The following GDA variants were observed in gnomAD, a reference collection of about 807,000 sequenced individuals.
The protein encoded by GDA is cytoplasmic PSD-95 interactor.
Under a neutral mutation model 59.6 loss-of-function variants are expected in GDA, and 18 were observed. The observed-to-expected ratio is 0.30, with a 90% CI of 0.21 to 0.45. GDA has a LOEUF of 0.45. GDA is among the 20% of genes least tolerant of loss of function. The pLI is 1.00. For missense variants in GDA, 427 were observed against 552.3 expected (o/e 0.77, Z 2.27); for synonymous variants, 201 against 201.1 (o/e 1.00, Z 0.00).
chr9:72,218,105 G>A (rs1314247275), intron 5 of GDA, among the ~76,000 whole-genome samples: 1 of 152,004 alleles, frequency 6.6e-6, no homozygotes. Context: ...GTAGAGATGA[G>A]GTTTTGCTAC....
chr9:72,231,045 T>A, intron 9 of GDA, 69 bp from the exon 10 acceptor site: 1 of 880,194 alleles, frequency 1.1e-6, no homozygotes, highest in Non-Finnish European at 2.0e-6. Flanking sequence ...TCACCGTCAT[T>A]GTTATTAGTG....
chr9:72,226,900 G>A (rs992740276), intron 8 of GDA, among the ~76,000 whole-genome samples: 6 of 152,046 alleles, frequency 3.9e-5, no homozygotes, highest in South Asian at 2.1e-4. Flanking sequence ...GGCAGATCAC[G>A]AGGTCAGGAG....
At chr9:72,179,427 G>A (rs1422534692) in intron 1 of GDA, among the ~76,000 whole-genome samples, 1 of 152,184 alleles carries the variant, frequency 6.6e-6, no homozygotes, top group Non-Finnish European at 1.5e-5. Flanking sequence ...TTCAAAAATG[G>A]TAAATCAGAG....
chr9:72,248,631 G>A lies in GDA; in HGVS notation c.*289G>A, dbSNP rs570067451. 2.3e-4 allele frequency: 267 copies of A among 1,150,154 alleles called. 3 individuals carry two copies. In the South Asian group the frequency reaches 6.5e-3, roughly 28 times the overall value. 71.2% of individuals were successfully genotyped at this position (1,150,154 alleles called of 1,614,324 possible). ...ATGCTATTACTGGTGGTGTTCCTAC[G>A]GTAAGACTTAAGCAAAGCCTTTTTC... is the stretch of plus-strand genomic sequence containing the variant. On this transcript the variant is annotated 3_prime_UTR_variant, in exon 14 of 14. Coordinates refer to ENST00000358399, the MANE Select transcript of GDA (RefSeq NM_004293.5).
At chr9:72,166,973 T>C (rs1829393076) in intron 1 of GDA, among the ~76,000 whole-genome samples, 1 of 152,202 alleles carries the variant, frequency 6.6e-6, no homozygotes, top group South Asian at 2.1e-4. Context: ...AGAAACTAAA[T>C]TCTTGACAGG....
At chr9:72,227,552 A>G (rs1837749142) in intron 8 of GDA, among the ~76,000 whole-genome samples, 1 of 151,876 alleles carries the variant, frequency 6.6e-6, no homozygotes, top group Non-Finnish European at 1.5e-5. Context: ...GCACAACACT[A>G]CCAGTTGCTT....
In GDA at chr9:72,212,992, C is replaced by G. The variant is rs7034285; in HGVS notation, c.473-894C>G. Reference sequence around the variant, plus strand: ...GAATAATAACTTAAAAACACCCAGCCAAGCACAGTGGCTCACGCCTGCAAT... The same window carrying G: ...GAATAATAACTTAAAAACACCCAGCGAAGCACAGTGGCTCACGCCTGCAAT... On this transcript the variant is annotated intron_variant, in intron 4 of 13. Coordinates refer to ENST00000358399, the MANE Select transcript of GDA (RefSeq NM_004293.5). 8.4e-3 allele frequency among the ~76,000 whole-genome samples: 1,282 copies of G among 152,242 alleles called. 27 individuals carry two copies. The highest frequency in any genetic ancestry group is 0.029 in the African/African-American group (1,221 of 41,490).
At chr9:72,123,412 T>C (rs963803464) in intron 1 of GDA, among the ~76,000 whole-genome samples, 8 of 151,384 alleles carry the variant, frequency 5.3e-5, no homozygotes, top group Non-Finnish European at 1.2e-4. Context: ...CTTGATCTCC[T>C]GACCTTGTGA....
chr9:72,225,870 T>A, intron 8 of GDA, 86 bp downstream of exon 8: 1 of 643,424 alleles, frequency 1.6e-6, no homozygotes, highest in Non-Finnish European at 2.7e-6. Context: ...TTCAGATTTC[T>A]GATATGAATA....
intron 3 of GDA, 144 bp from the exon 4 acceptor site, chr9:72,210,543 T>C: frequency 1.7e-6 from 1 of 575,056 alleles, no homozygotes; most frequent in African/African-American, 1.9e-5. Flanking sequence ...TTTTGCCATT[T>C]ACCTAACTGT....
chr9:72,205,750 C>G (rs1834614621), intron 3 of GDA, among the ~76,000 whole-genome samples: 1 of 152,164 alleles, frequency 6.6e-6, no homozygotes, highest in African/African-American at 2.4e-5. Flanking sequence ...AGTTGATAAA[C>G]TAAGTTAGGT....
At chr9:72,181,127 A>C (rs751041220) in intron 1 of GDA, among the ~76,000 whole-genome samples, 6 of 152,090 alleles carry the variant, frequency 3.9e-5, no homozygotes, top group Non-Finnish European at 7.4e-5. Context: ...TGTGCATTTT[A>C]CTTATTTTTT....
chr9:72,185,609 T>C (rs4484759), intron 1 of GDA, among the ~76,000 whole-genome samples: 28,748 of 152,150 alleles, frequency 0.19, 3,078 homozygotes, highest in East Asian at 0.5. Flanking sequence ...CTGGTTTTAT[T>C]TCCCCTCACA....
At chr9:72,185,883 G>C (rs949272957) in intron 1 of GDA, among the ~76,000 whole-genome samples, 3 of 152,176 alleles carry the variant, frequency 2.0e-5, no homozygotes, top group Admixed American at 2.0e-4. Flanking sequence ...CCAGTTTCAA[G>C]TAAGAAAGCA....
Position 72,195,510 on chromosome 9 carries a change from T to C in GDA, c.134T>C (p.Leu45Ser). 1 of 1,490,446 alleles carries C rather than the reference T, an allele frequency of 6.7e-7. No homozygotes were observed. Among genetic ancestry groups the C allele is most frequent in the Non-Finnish European group, 9.3e-7 (1 of 1,076,974 alleles). The allele number at this position is 1,490,446 out of a possible 1,614,324, so 92.3% of individuals were successfully genotyped here. A position where few individuals can be genotyped will look rare whatever the true frequency, so the allele number is the denominator to read the frequency against. The change falls in exon 2 of 14, where the codon TTA becomes TCA. Residue 45 changes from leucine (L) to serine (S), a missense_variant. Transcript: ENST00000358399. ...TTCTTTCTTTTAAAGATAGTGTTTT[T>C]AGAAGAAGCATCTCAACAGGAAAAA... ...GVSDSGKIVF[L>S]EEASQQEKLA...
upstream of GDA, among the ~76,000 whole-genome samples, chr9:72,145,142 C>T (rs180777514): frequency 6.6e-5 from 10 of 152,212 alleles, no homozygotes; most frequent in South Asian, 4.1e-4. Flanking sequence ...TACTGACCTA[C>T]GCTGATTGGA....
chr9:72,248,297 T>G lies in GDA; in HGVS notation c.1320T>G (p.Val440=). ...YLGDDRNIEE[V]YVGGKQVVPF... is the part of the protein sequence containing the mutation. ...GAGATGATCGAAATATTGAAGAGGT[T>G]TATGTGGGCGGAAAGCAGGTGGTTC... Residue 440 remains valine (V), a synonymous_variant, in exon 14 of 14, where the codon GTT becomes GTG. Coordinates refer to ENST00000358399, the MANE Select transcript of GDA (RefSeq NM_004293.5). 1 of 1,612,858 alleles carries G rather than the reference T, an allele frequency of 6.2e-7. No individual in the cohort carries two copies. The highest frequency in any genetic ancestry group is 8.5e-7 in the Non-Finnish European group (1 of 1,178,898).
In GDA at chr9:72,250,560, C is replaced by T. The variant is rs911458817; in HGVS notation, c.*2218C>T. On this transcript the variant is annotated 3_prime_UTR_variant, in exon 14 of 14. Coordinates refer to ENST00000358399, the MANE Select transcript of GDA (RefSeq NM_004293.5). Reference sequence around the variant, plus strand: ...CTTATGTGTTTTATTTCTCCAAGTGCGGTGTTCCTGAATGTTATGTATGCT... The same window carrying T: ...CTTATGTGTTTTATTTCTCCAAGTGTGGTGTTCCTGAATGTTATGTATGCT... The T allele has an allele frequency of 6.8e-5, 99 of 1,450,672 alleles. 1 individual carries two copies. The highest frequency in any genetic ancestry group is 5.9e-4 in the Middle Eastern group (3 of 5,062). The allele number at this position is 1,450,672 out of a possible 1,614,324, so 89.9% of individuals were successfully genotyped here. A position where few individuals can be genotyped will look rare whatever the true frequency, so the allele number is the denominator to read the frequency against.
intron 10 of GDA, among the ~76,000 whole-genome samples, chr9:72,233,482 A>G (rs1052454916): frequency 2.6e-5 from 4 of 152,170 alleles, no homozygotes; most frequent in African/African-American, 7.2e-5. Flanking sequence ...TCAGATTAAA[A>G]AGCACATAGA....
Sources: gnomAD v4.1 joint callset for allele counts (sites outside exome capture counted in the v4.1 genomes callset) on GRCh38, gnomAD v4.1.1 for gene constraint, MANE v1.5 for transcripts, NCBI Gene and HGNC (gene_info 2026-07-23, HGNC 2026-07-21) for gene names.